PTPN13: variants seen among roughly 807,000 people sequenced by gnomAD.
PTPN13 encodes the protein protein tyrosine phosphatase non-receptor type 13.
PTPN13 carries 191 observed loss-of-function variants against 284.0 expected under a neutral mutation model. The ratio of observed to expected loss-of-function variants is 0.67; its 90% CI spans 0.60 to 0.76. The LOEUF (loss-of-function observed/expected upper bound fraction) is 0.76, where lower values mean the gene tolerates loss of function less well. PTPN13 is among the 30% of genes least tolerant of loss of function. The pLI is 0.00. For missense variants in PTPN13, 2,797 were observed against 2,939.9 expected (o/e 0.95, Z 1.12); for synonymous variants, 986 against 1,022.3 (o/e 0.96, Z 0.68).
At position 86,764,652 on chromosome 4, in the gene PTPN13, A is replaced by G. The variant is rs759715748; in HGVS notation, c.4077A>G (p.Ser1359=). Reference sequence around the variant, plus strand: ...TGAATTTTAAAACTTTTTCTTCATCACCTCCTAAGCCTGGAGATATCTTTG... The same window carrying G: ...TGAATTTTAAAACTTTTTCTTCATCGCCTCCTAAGCCTGGAGATATCTTTG... ...NKMNFKTFSS[S]PPKPGDIFEV... Residue 1359 remains serine, a synonymous_variant, in exon 25 of 48, where the codon TCA becomes TCG. Coordinates refer to ENST00000411767, the MANE Select transcript of PTPN13 (RefSeq NM_080683.3). The G allele has an allele frequency of 3.8e-6, 6 of 1,596,422 alleles. No homozygotes were observed. The East Asian group carries it at 9.1e-5, about 24-fold the overall frequency.
At chr4:86,606,311 C>G (rs759492122) in intron 1 of PTPN13, among the ~76,000 whole-genome samples, 4 of 151,728 alleles carry the variant, frequency 2.6e-5, no homozygotes, top group African/African-American at 7.3e-5. Flanking sequence ...ACACTATACA[C>G]TTAGAAAAAA....
rs778688681 is a variant in PTPN13 at position 86,758,788 on chromosome 4, A to G, written c.3421+3A>G. 1.9e-6 allele frequency: 3 copies of G among 1,610,892 alleles called. No individual in the cohort carries two copies. Among genetic ancestry groups the G allele is most frequent in the Admixed American group, 3.4e-5 (2 of 59,234 alleles). On this transcript the variant is annotated splice_donor_region_variant and intron_variant, in intron 22 of 47. Transcript: ENST00000411767. ...CTTGGATGGATGCTTGAAGCCAGGT[A>G]CTTTACATTTTGGTAGTTTTCTAAG... is the stretch of plus-strand genomic sequence containing the variant.
rs765733108 is a variant in PTPN13 at position 86,799,172 on chromosome 4, T to A, written c.6473T>A (p.Ile2158Lys). 6.3e-7 allele frequency: 1 copy of A among 1,584,470 alleles called. No homozygotes were observed. The highest frequency in any genetic ancestry group is 1.8e-5 in the Admixed American group (1 of 55,176). The change falls in exon 42 of 48, where the codon ATA becomes AAA. Residue 2158 changes from isoleucine (I) to lysine (K), a missense_variant. Coordinates refer to ENST00000411767, the MANE Select transcript of PTPN13 (RefSeq NM_080683.3). ...ACATGGGGAAATGATGAGTTGCCAA[T>A]AGAGAGAACAAACCATGAAGATTCT... The part of the protein sequence containing the change: ...EITWGNDELP[I>K]ERTNHEDSDK...
chr4:86,674,565 G>T (rs1182883436), intron 3 of PTPN13, among the ~76,000 whole-genome samples: 1 of 152,170 alleles, frequency 6.6e-6, no homozygotes, highest in Non-Finnish European at 1.5e-5. Context: ...TTGGTAGAGT[G>T]AATTCAGATT....
intron 1 of PTPN13, among the ~76,000 whole-genome samples, chr4:86,625,215 C>G (rs1476988663): frequency 1.3e-5 from 2 of 152,138 alleles, no homozygotes. Flanking sequence ...GTATTTACCA[C>G]TTAGCTTCAT....
intron 45 of PTPN13, among the ~76,000 whole-genome samples, chr4:86,809,067 A>AT (rs1744944381): frequency 6.6e-6 from 1 of 152,182 alleles, no homozygotes; most frequent in African/African-American, 2.4e-5. Context: ...TTAAAGCCAC[A>AT]GAGAATCATT....
intron 1 of PTPN13, among the ~76,000 whole-genome samples, chr4:86,621,940 C>T (rs890990701): frequency 6.6e-6 from 1 of 152,050 alleles, no homozygotes. Context: ...TCAAATGTGT[C>T]GAGTTCTGTC....
At chr4:86,659,869 G>T (rs1726278329) in intron 2 of PTPN13, among the ~76,000 whole-genome samples, 1 of 151,134 alleles carries the variant, frequency 6.6e-6, no homozygotes, top group Non-Finnish European at 1.5e-5. Context: ...AAACTTAAAA[G>T]CCACACGTGC....
At chr4:86,609,358 A>G (rs1447375974) in intron 1 of PTPN13, among the ~76,000 whole-genome samples, 1 of 152,332 alleles carries the variant, frequency 6.6e-6, no homozygotes, top group East Asian at 1.9e-4. Context: ...TAAAACTTGT[A>G]TTTATATAAG....
intron 2 of PTPN13, 40 bp from the exon 3 acceptor site, chr4:86,672,324 TC>T: frequency 6.9e-7 from 1 of 1,457,696 alleles, no homozygotes; most frequent in South Asian, 1.4e-5. Flanking sequence ...GCAATTTTCT[TC>T]TTTTTTTTTA....
rs757859903 is a variant in PTPN13, at chr4:86,814,551, A to G, written c.7458A>G (p.Ter2486TrpextTer14). ...EQKQQPQLLK[*>W] is the part of the protein sequence containing the mutation. ...AACAGCAGCCTCAGCTTCTGAAGTG[A>G]CATGAAAAGAGCCTCTGGATGCATT... The change falls in exon 48 of 48, where the codon TGA (stop) becomes TGG (tryptophan). Residue 2486 changes from the stop codon to tryptophan (W), a stop_lost. Coordinates refer to ENST00000411767, the MANE Select transcript of PTPN13 (RefSeq NM_080683.3). The G allele has an allele frequency of 1.2e-6, 2 of 1,604,332 alleles. No individual in the cohort carries two copies. The highest frequency in any genetic ancestry group is 3.3e-5 in the Admixed American group (2 of 59,960).
chr4:86,763,189 AGGC>A lies in PTPN13; in HGVS notation c.4017_4017+2del. Reference sequence around the variant, plus strand: ...AGTCAGGATCATCAAACACCAAAACAGGCATAGTTTAATTTTAATATTTTGGTT... The same window carrying A: ...AGTCAGGATCATCAAACACCAAAACAATAGTTTAATTTTAATATTTTGGTT... On this transcript the variant is annotated splice_donor_variant and coding_sequence_variant, in exon 24 of 48. Coordinates refer to ENST00000411767, the MANE Select transcript of PTPN13 (RefSeq NM_080683.3). LOFTEE classifies it high-confidence loss of function. The A allele has an allele frequency of 6.2e-7, 1 of 1,600,012 alleles. No individual in the cohort carries two copies.
chr4:86,653,489 T>G (rs113770294), intron 2 of PTPN13, among the ~76,000 whole-genome samples: 6,755 of 149,240 alleles, frequency 0.045, 211 homozygotes, highest in African/African-American at 0.059. Context: ...CCGGAGCGCC[T>G]CAACTCTTTT....
chr4:86,710,401 G>T (rs191609285), intron 7 of PTPN13, among the ~76,000 whole-genome samples: 2 of 152,248 alleles, frequency 1.3e-5, no homozygotes, highest in African/African-American at 4.8e-5. Context: ...TTGAATATGT[G>T]TCACTTGTAA....
At chr4:86,653,954 A>G (rs1725428047) in intron 2 of PTPN13, among the ~76,000 whole-genome samples, 1 of 152,206 alleles carries the variant, frequency 6.6e-6, no homozygotes, top group African/African-American at 2.4e-5. Context: ...TTAACATATC[A>G]AAACTCCAGG....
intron 2 of PTPN13, among the ~76,000 whole-genome samples, chr4:86,644,272 C>T (rs1724151632): frequency 6.6e-6 from 1 of 152,038 alleles, no homozygotes; most frequent in Non-Finnish European, 1.5e-5. Flanking sequence ...GCTGGGACTA[C>T]AGGTGTGTGC....
chr4:86,782,258 C>G lies in PTPN13; in HGVS notation c.6020C>G (p.Ser2007Cys), dbSNP rs754068839. 10 of 1,604,842 alleles carry G rather than the reference C, an allele frequency of 6.2e-6. No individual in the cohort carries two copies. The highest frequency in any genetic ancestry group is 8.5e-6 in the Non-Finnish European group (10 of 1,171,772). The stretch of plus-strand genomic sequence containing the variant: ...GCCCTCACTCCTAATGATTCATTCT[C>G]CACGGTAAGAAAAAGCCCACCCTCT... Reference protein sequence around the residue: ...QPALTPNDSFSTVAGEEINEI... With the variant: ...QPALTPNDSFCTVAGEEINEI... The change falls in exon 37 of 48, where the codon TCC becomes TGC. Residue 2007 changes from serine (S) to cysteine (C), a missense_variant. Ser to Cys is a moderately radical substitution (Grantham distance 112). Coordinates refer to ENST00000411767, the MANE Select transcript of PTPN13 (RefSeq NM_080683.3).
intron 44 of PTPN13, among the ~76,000 whole-genome samples, chr4:86,805,850 G>T (rs956973531): frequency 6.6e-6 from 1 of 152,018 alleles, no homozygotes; most frequent in Non-Finnish European, 1.5e-5. Context: ...TCAGATACCA[G>T]AAGGGAACAA....
At chr4:86,606,658 A>C (rs965891751) in intron 1 of PTPN13, among the ~76,000 whole-genome samples, 7 of 151,894 alleles carry the variant, frequency 4.6e-5, no homozygotes, top group African/African-American at 1.7e-4. Flanking sequence ...CGTACCGTCA[A>C]GTGCAATGCA....
Sources: gnomAD v4.1 joint callset for allele counts (sites outside exome capture counted in the v4.1 genomes callset) on GRCh38, gnomAD v4.1.1 for gene constraint, MANE v1.5 for transcripts, NCBI Gene and HGNC (gene_info 2026-07-23, HGNC 2026-07-21) for gene names.